Variants in CHN2 observed in about 807,000 individuals in gnomAD.
CHN2 encodes beta-chimaerin.
A neutral mutation model predicts 56.3 loss-of-function variants in CHN2; 35 were observed. The observed-to-expected ratio is 0.62, with a 90% CI of 0.47 to 0.82. The LOEUF is 0.82. CHN2 is among the 40% of genes least tolerant of loss of function. The pLI is 0.00. For missense variants in CHN2, 491 were observed against 580.5 expected, an observed-to-expected ratio of 0.85 and a Z score of 1.58; for synonymous variants, 210 against 212.8, an observed-to-expected ratio of 0.99 and a Z score of 0.12.
chr7:29,447,570 ACCCAGAGAT>A (rs1011460316), intron 6 of CHN2, among the ~76,000 whole-genome samples: 11 of 152,296 alleles, frequency 7.2e-5, no homozygotes, highest in African/African-American at 9.6e-5. Context: ...AAAGCTGTAA[ACCCAGAGAT>A]CCAAGAATCT....
intron 1 of CHN2, among the ~76,000 whole-genome samples, chr7:29,324,722 A>G (rs962703990): frequency 1.3e-5 from 2 of 152,012 alleles, no homozygotes; most frequent in African/African-American, 4.8e-5. Context: ...GCTGTCTAAT[A>G]TATTAACCAC....
intron 6 of CHN2, among the ~76,000 whole-genome samples, chr7:29,469,094 G>A (rs1785814409): frequency 6.6e-6 from 1 of 152,080 alleles, no homozygotes; most frequent in African/African-American, 2.4e-5. Context: ...AACTTCATCT[G>A]TCTAGCTGCT....
At chr7:29,315,668 C>T (rs552977125) in intron 1 of CHN2, among the ~76,000 whole-genome samples, 48 of 152,160 alleles carry the variant, frequency 3.2e-4, no homozygotes, top group Non-Finnish European at 6.0e-4. Context: ...TTATCATAAA[C>T]GATTCATTTT....
intron 1 of CHN2, among the ~76,000 whole-genome samples, chr7:29,328,514 A>G (rs1324186329): frequency 6.6e-6 from 1 of 152,172 alleles, no homozygotes; most frequent in Admixed American, 6.5e-5. Context: ...TACCAACAGT[A>G]TGGTGTGAAG....
intron 1 of CHN2, among the ~76,000 whole-genome samples, chr7:29,293,296 T>A (rs1451106129): frequency 6.8e-6 from 1 of 147,248 alleles, no homozygotes; most frequent in African/African-American, 2.5e-5. Context: ...GATTTTCCCC[T>A]GAATTAAGGA....
chr7:29,238,339 A>G (rs1787366098), intron 1 of CHN2, among the ~76,000 whole-genome samples: 1 of 152,192 alleles, frequency 6.6e-6, no homozygotes, highest in Non-Finnish European at 1.5e-5. Flanking sequence ...TTATGAAATT[A>G]AAACTTCGGG....
At chr7:29,478,021 T>C (rs148330849) in intron 6 of CHN2, among the ~76,000 whole-genome samples, 2 of 152,338 alleles carry the variant, frequency 1.3e-5, no homozygotes, top group Admixed American at 6.5e-5. Context: ...AGAGCTGTTA[T>C]AGTCACTATA....
At chr7:29,267,720 A>G (rs2128841667) in intron 1 of CHN2, among the ~76,000 whole-genome samples, 1 of 152,208 alleles carries the variant, frequency 6.6e-6, no homozygotes, top group East Asian at 1.9e-4. Context: ...GGAATCTGTT[A>G]TTTGCTGCCT....
intron 1 of CHN2, chr7:29,334,514 G>A (rs74917907): frequency 6.6e-6 from 1 of 151,922 alleles, no homozygotes; most frequent in Non-Finnish European, 1.5e-5. Context: ...TAGCAATTTG[G>A]AAGCCCAAGG....
intron 1 of CHN2, among the ~76,000 whole-genome samples, chr7:29,317,786 C>T (rs577828985): frequency 4.1e-4 from 62 of 152,148 alleles, no homozygotes; most frequent in African/African-American, 1.4e-3. Flanking sequence ...CTCAGGAATT[C>T]GAGGCCAGTC....
At chr7:29,205,102 A>G (rs1248214645) in intron 1 of CHN2, among the ~76,000 whole-genome samples, 1 of 152,220 alleles carries the variant, frequency 6.6e-6, no homozygotes, top group East Asian at 1.9e-4. Context: ...ACTTTTCATA[A>G]ATAGCTGAGT....
At chr7:29,207,341 A>G (rs1042107728) in intron 1 of CHN2, among the ~76,000 whole-genome samples, 1 of 152,044 alleles carries the variant, frequency 6.6e-6, no homozygotes, top group Admixed American at 6.5e-5. Flanking sequence ...TTCCACATTC[A>G]TCTTTTTCTG....
intron 2 of CHN2, among the ~76,000 whole-genome samples, chr7:29,160,748 G>A (rs564748928): frequency 6.6e-6 from 1 of 152,260 alleles, no homozygotes; most frequent in South Asian, 2.1e-4. Context: ...CAGAGAGGAA[G>A]GGCTAAAAGA....
intron 4 of CHN2, among the ~76,000 whole-genome samples, chr7:29,395,118 T>G (rs1208684866): frequency 1.3e-5 from 2 of 152,220 alleles, no homozygotes; most frequent in Non-Finnish European, 2.9e-5. Flanking sequence ...AAGAAACTAT[T>G]GACAATGGAT....
intron 6 of CHN2, among the ~76,000 whole-genome samples, chr7:29,426,794 C>G (rs1048501366): frequency 2.0e-5 from 3 of 152,172 alleles, no homozygotes; most frequent in African/African-American, 7.2e-5. Flanking sequence ...CAATCTCATG[C>G]AAGTTATTGG....
At chr7:29,443,763 G>A (rs907869347) in intron 6 of CHN2, among the ~76,000 whole-genome samples, 4 of 151,890 alleles carry the variant, frequency 2.6e-5, no homozygotes, top group Non-Finnish European at 5.9e-5. Flanking sequence ...AGATGGCAGG[G>A]GGGTGAGAGA....
chr7:29,465,423 A>C (rs1785480510), intron 6 of CHN2, among the ~76,000 whole-genome samples: 1 of 152,228 alleles, frequency 6.6e-6, no homozygotes, highest in Admixed American at 6.5e-5. Flanking sequence ...AAATGGTGCC[A>C]GCTGTAGATC....
At chr7:29,204,053 GTT>G (rs1353720390) in intron 1 of CHN2, among the ~76,000 whole-genome samples, 6 of 144,650 alleles carry the variant, frequency 4.1e-5, no homozygotes, top group Admixed American at 7.2e-5. Context: ...CAAAGCACAC[GTT>G]TTTCTCTCTC....
chr7:29,282,772 G>A (rs1791825715), intron 1 of CHN2, among the ~76,000 whole-genome samples: 1 of 152,002 alleles, frequency 6.6e-6, no homozygotes, highest in African/African-American at 2.4e-5. Flanking sequence ...CTAACAAAAA[G>A]AACAAATGCC....
Sources: gnomAD v4.1 joint callset for allele counts (sites outside exome capture counted in the v4.1 genomes callset) on GRCh38, gnomAD v4.1.1 for gene constraint, MANE v1.5 for transcripts, NCBI Gene and HGNC (gene_info 2026-07-23, HGNC 2026-07-21) for gene names.